Variants in TRABD2A observed in about 807,000 individuals in gnomAD.
The protein encoded by TRABD2A is TraB domain containing 2A.
A neutral mutation model predicts 45.6 loss-of-function variants in TRABD2A; 43 were observed. The ratio of observed to expected loss-of-function variants is 0.94; its 90% CI spans 0.74 to 1.22. The LOEUF (loss-of-function observed/expected upper bound fraction) is 1.22, where lower values mean the gene tolerates loss of function less well. Among genes scored for constraint, TRABD2A ranks in the 50% most tolerant of loss-of-function variants. The pLI, the probability that TRABD2A is intolerant of heterozygous loss-of-function variation, is 0.00. For synonymous variants in TRABD2A, 269 were observed against 265.0 expected (o/e 1.02, Z -0.15); for missense variants, 642 against 652.4 (o/e 0.98, Z 0.17).
chr2:84,832,327 G>A (rs1169107932), intron 4 of TRABD2A, 182 bp from the exon 5 acceptor site: 3 of 603,706 alleles, frequency 5.0e-6, no homozygotes, highest in Non-Finnish European at 8.8e-6. Context: ...GGCAGGCAGG[G>A]CAGCATCAGT....
At chr2:84,844,527 C>T (rs1681822077) in intron 2 of TRABD2A, among the ~76,000 whole-genome samples, 1 of 152,176 alleles carries the variant, frequency 6.6e-6, no homozygotes, top group Admixed American at 6.5e-5. Flanking sequence ...CATGTGGGAT[C>T]ACAGCCTTGC....
Position 84,832,102 on chromosome 2 carries a change from AC to A in TRABD2A, c.1034del (p.Arg345LeufsTer6), listed in dbSNP as rs1286297010. On this transcript the variant is annotated frameshift_variant, in exon 5 of 7. Transcript: ENST00000409520. LOFTEE classifies it high-confidence loss of function. ...GGGCGTGTTCTACCTCATAGCCTTC[AC>A]GCCGCAAAACATCCAGCACTGTGTT... ...GNNTVLDVLR[R>X]EGYEVEHAPA... 3 of 1,614,022 alleles carry A rather than the reference AC, an allele frequency of 1.9e-6. No individual in the cohort carries two copies. Among genetic ancestry groups the A allele is most frequent in the Non-Finnish European group, 2.5e-6 (3 of 1,179,892 alleles).
intron 2 of TRABD2A, among the ~76,000 whole-genome samples, chr2:84,845,112 A>G (rs1261253107): frequency 6.6e-6 from 1 of 152,166 alleles, no homozygotes; most frequent in East Asian, 1.9e-4. Context: ...GCACTTTGGG[A>G]GGCCGATGCA....
chr2:84,858,685 A>C (rs1428252553), intron 2 of TRABD2A, among the ~76,000 whole-genome samples: 1 of 152,102 alleles, frequency 6.6e-6, no homozygotes, highest in Non-Finnish European at 1.5e-5. Flanking sequence ...CAGGCTCTTC[A>C]ATCAATATGA....
At chr2:84,871,348 C>T (rs1314575684) in intron 1 of TRABD2A, among the ~76,000 whole-genome samples, 2 of 152,168 alleles carry the variant, frequency 1.3e-5, no homozygotes, top group Non-Finnish European at 2.9e-5. Context: ...GATCTCAAAA[C>T]CAACATCCCC....
In TRABD2A at chr2:84,870,690, G is replaced by A; in HGVS notation, c.204C>T (p.Asp68=). ...CCTCCTTAGAGTTGTCGGGGATGAAGTCCCAAACTCGGGTGTACGGGACAT... is the reference window on the plus strand; with the variant it reads ...CCTCCTTAGAGTTGTCGGGGATGAAATCCCAAACTCGGGTGTACGGGACAT... ...TIHVPYTRVW[D]FIPDNSKEAF... is the part of the protein sequence containing the mutation. Residue 68 remains aspartate (D), a synonymous_variant, in exon 2 of 7, where the codon GAC becomes GAT. Coordinates refer to ENST00000409520, the MANE Select transcript of TRABD2A (RefSeq NM_001277053.2). The A allele has an allele frequency of 6.2e-7, 1 of 1,606,758 alleles. No individual in the cohort carries two copies. Among genetic ancestry groups the A allele is most frequent in the Non-Finnish European group, 8.5e-7 (1 of 1,176,546 alleles).
At chr2:84,836,762 C>A (rs1439822920) in intron 4 of TRABD2A, 1 of 152,050 alleles carries the variant, frequency 6.6e-6, no homozygotes, top group Non-Finnish European at 1.5e-5. Context: ...CATACTGAAT[C>A]ATCTCAATCA....
intron 2 of TRABD2A, among the ~76,000 whole-genome samples, chr2:84,862,195 T>C (rs1233208681): frequency 2.0e-5 from 3 of 152,192 alleles, no homozygotes; most frequent in Non-Finnish European, 2.9e-5. Flanking sequence ...CCCACCTGGC[T>C]CCTTGCCCTT....
intron 4 of TRABD2A, chr2:84,832,726 G>C (rs1681380129): frequency 6.5e-6 from 1 of 152,720 alleles, no homozygotes; most frequent in Admixed American, 6.5e-5. Flanking sequence ...CTTGAACCCG[G>C]GAGGCAGAGG....
intron 6 of TRABD2A, 125 bp from the exon 7 acceptor site, chr2:84,822,225 T>C (rs1681023495): frequency 1.4e-5 from 11 of 774,262 alleles, no homozygotes; most frequent in Non-Finnish European, 1.9e-5. Context: ...TGGGTATTAG[T>C]ATATTAATAG....
chr2:84,853,604 G>A (rs1345590184), intron 2 of TRABD2A, among the ~76,000 whole-genome samples: 1 of 152,166 alleles, frequency 6.6e-6, no homozygotes, highest in African/African-American at 2.4e-5. Flanking sequence ...ACCATATCAG[G>A]CAGAGACTGG....
intron 1 of TRABD2A, chr2:84,879,693 G>T (rs1238804567): frequency 1.3e-6 from 1 of 743,710 alleles, no homozygotes; most frequent in Non-Finnish European, 1.6e-6. Context: ...AGCATGAAGC[G>T]GCCACACCGC....
At chr2:84,826,266 T>C (rs1349000320) in intron 5 of TRABD2A, among the ~76,000 whole-genome samples, 2 of 152,142 alleles carry the variant, frequency 1.3e-5, no homozygotes, top group Admixed American at 6.5e-5. Flanking sequence ...TTGTTTCTGT[T>C]CAACTCACAA....
chr2:84,844,119 A>G (rs1319077669), intron 2 of TRABD2A: 1 of 151,882 alleles, frequency 6.6e-6, no homozygotes, highest in Non-Finnish European at 1.5e-5. Flanking sequence ...CCATCCCTCT[A>G]TTGGTCACAA....
intron 2 of TRABD2A, among the ~76,000 whole-genome samples, chr2:84,842,449 G>A (rs1681743291): frequency 6.6e-6 from 1 of 152,186 alleles, no homozygotes; most frequent in Non-Finnish European, 1.5e-5. Flanking sequence ...AGCATTCCCA[G>A]CTAATGGCGT....
intron 5 of TRABD2A, 56 bp from the exon 6 acceptor site, chr2:84,824,260 C>G (rs967587299): frequency 5.6e-6 from 9 of 1,595,694 alleles, no homozygotes; most frequent in Middle Eastern, 3.3e-4. Context: ...GCATGGCGCC[C>G]TCCCCAGCTC....
rs1681293724 is a variant in TRABD2A at position 84,830,384 on chromosome 2, A to T, written c.1082+1671T>A. Among the ~76,000 whole-genome samples, 1 of 152,180 alleles carries T rather than the reference A, an allele frequency of 6.6e-6. No individual in the cohort carries two copies. The highest frequency in any genetic ancestry group is 1.5e-5 in the Non-Finnish European group (1 of 68,032). ...GAGGCTCTTCTGAAGCAAGCAGCAG[A>T]TCCATGCTGGAAGGGTAGGGTCTGA... On this transcript the variant is annotated intron_variant, in intron 5 of 6. Coordinates refer to ENST00000409520, the MANE Select transcript of TRABD2A (RefSeq NM_001277053.2). The surrounding 1 kb of genome is among the most constrained non-coding windows in gnomAD (Gnocchi z 4.9).
Position 84,869,533 on chromosome 2 carries a change from G to A in TRABD2A, c.669+692C>T, listed in dbSNP as rs186767463. ...CAGTGTCCTAAAGAGGGACAGTAGT[G>A]ACCTCAAAGAGACTGCTGTCTCCTA... On this transcript the variant is annotated intron_variant, in intron 2 of 6. Transcript: ENST00000409520. Among the ~76,000 whole-genome samples, 351 of 152,336 alleles carry A rather than the reference G, an allele frequency of 2.3e-3. 2 individuals carry two copies. The highest frequency in any genetic ancestry group is 3.4e-3 in the Middle Eastern group (1 of 294).
chr2:84,861,308 T>A (rs973918472), intron 2 of TRABD2A, among the ~76,000 whole-genome samples: 18 of 152,296 alleles, frequency 1.2e-4, no homozygotes, highest in African/African-American at 3.6e-4. Context: ...CAACTCTCCA[T>A]AGAGTAGAAT....
Sources: allele counts gnomAD v4.1 joint callset (sites outside exome capture counted in the v4.1 genomes callset), GRCh38; gene constraint gnomAD v4.1.1; non-coding constraint Gnocchi (gnomAD v3.1); transcripts MANE v1.5; gene names NCBI Gene and HGNC (gene_info 2026-07-23, HGNC 2026-07-21).